FAM184A: variants seen among roughly 807,000 people sequenced by gnomAD.
FAM184A encodes the protein protein FAM184A.
FAM184A carries 99 observed loss-of-function variants against 143.8 expected under a neutral mutation model. The observed-to-expected ratio is 0.69, with a 90% CI of 0.58 to 0.81. FAM184A has a LOEUF of 0.81. Among genes scored for constraint, FAM184A ranks in the 40% least tolerant of loss-of-function variants. FAM184A has a pLI of 0.00. For synonymous variants in FAM184A, 427 were observed against 446.4 expected (o/e 0.96, Z 0.55); for missense variants, 1,217 against 1,310.5 (o/e 0.93, Z 1.10).
At chr6:118,980,033 G>A in intron 10 of FAM184A, 105 bp downstream of exon 10, 1 of 825,030 alleles carries the variant, frequency 1.2e-6, no homozygotes, top group Non-Finnish European at 1.9e-6. Context: ...GGGTGACAGA[G>A]TGAGACCCTG....
chr6:118,960,227 A>G, intron 17 of FAM184A, 43 bp from the exon 18 acceptor site: 2 of 1,551,272 alleles, frequency 1.3e-6, no homozygotes, highest in Non-Finnish European at 1.8e-6. Context: ...GCATTAAGTC[A>G]TTTTGCAAAA....
chr6:119,117,096 C>T (rs564200398), intron 1 of FAM184A, among the ~76,000 whole-genome samples: 6 of 152,270 alleles, frequency 3.9e-5, no homozygotes, highest in Middle Eastern at 3.4e-3. Flanking sequence ...GCAGGGGACA[C>T]GATTGCAATC....
intron 1 of FAM184A, among the ~76,000 whole-genome samples, chr6:119,142,430 T>C (rs1772277166): frequency 6.6e-6 from 1 of 152,220 alleles, no homozygotes; most frequent in African/African-American, 2.4e-5. Flanking sequence ...AGGCTTGATC[T>C]ACTGAAGTCC....
rs761167964 is a variant in FAM184A at position 119,024,311 on chromosome 6, T to A, written c.662A>T (p.Glu221Val). 9 of 1,614,200 alleles carry A rather than the reference T, an allele frequency of 5.6e-6. No individual in the cohort carries two copies. In the South Asian group the frequency reaches 8.8e-5, roughly 16 times the overall value. Reference sequence around the variant, plus strand: ...GGACTCCACCTCCATTCTGTGTAGTTCCTCTGCCTTTTCCTGGCCTTTATT... The same window carrying A: ...GGACTCCACCTCCATTCTGTGTAGTACCTCTGCCTTTTCCTGGCCTTTATT... ...SVNKGQEKAE[E>V]LHRMEVESLN... The change falls in exon 2 of 18, where the codon GAA becomes GTA. Residue 221 changes from glutamate (E) to valine (V), a missense_variant. Glu to Val is a moderately radical substitution (Grantham distance 121, BLOSUM62 -2). Transcript: ENST00000338891.
At chr6:118,960,260 A>T in intron 17 of FAM184A, 76 bp from the exon 18 acceptor site, 2 of 1,155,400 alleles carry the variant, frequency 1.7e-6, no homozygotes, top group East Asian at 2.4e-5. Context: ...CACATAAAAC[A>T]TCAGCATAGA....
chr6:119,080,522 T>C (rs958237278), upstream of FAM184A, among the ~76,000 whole-genome samples: 1 of 152,178 alleles, frequency 6.6e-6, no homozygotes, highest in Non-Finnish European at 1.5e-5. Context: ...AAGACACAAT[T>C]AAAGTTATAT....
intron 3 of FAM184A, 135 bp from the exon 4 acceptor site, chr6:119,020,294 T>C (rs1785398887): frequency 3.7e-6 from 2 of 541,204 alleles, no homozygotes; most frequent in Admixed American, 4.3e-5. Flanking sequence ...TTTCCTTTTG[T>C]TTCTTCACTA....
At chr6:118,962,462 G>A (rs1042249145) in intron 16 of FAM184A, 4 of 154,944 alleles carry the variant, frequency 2.6e-5, no homozygotes, top group Admixed American at 1.9e-4. Flanking sequence ...AAAATGCTTG[G>A]CAATGTAGTT....
chr6:119,115,300 G>GAAAT (rs1283150479), intron 1 of FAM184A, among the ~76,000 whole-genome samples: 1 of 152,102 alleles, frequency 6.6e-6, no homozygotes, highest in Non-Finnish European at 1.5e-5. Flanking sequence ...AGAGGAAAGG[G>GAAAT]AAATAAATAA....
chr6:119,047,063 G>T (rs1786564634), intron 1 of FAM184A, among the ~76,000 whole-genome samples: 1 of 152,030 alleles, frequency 6.6e-6, no homozygotes, highest in South Asian at 2.1e-4. Flanking sequence ...AAAAAAATGG[G>T]CATAAGATTT....
At chr6:119,142,279 A>G (rs1165465834) in intron 1 of FAM184A, among the ~76,000 whole-genome samples, 1 of 152,086 alleles carries the variant, frequency 6.6e-6, no homozygotes, top group Admixed American at 6.5e-5. Flanking sequence ...GGACGTAATG[A>G]CCTCGAAGCC....
intron 7 of FAM184A, chr6:119,005,585 A>G (rs1342065824): frequency 6.5e-6 from 1 of 153,046 alleles, no homozygotes; most frequent in Non-Finnish European, 1.5e-5. Context: ...AGTGCTGTGA[A>G]GAGTGTTATT....
intron 1 of FAM184A, among the ~76,000 whole-genome samples, chr6:119,038,223 T>C (rs941167351): frequency 9.9e-5 from 15 of 151,826 alleles, no homozygotes; most frequent in African/African-American, 1.7e-4. Flanking sequence ...AACAAACAAA[T>C]AGAGAAAATG....
intron 11 of FAM184A, among the ~76,000 whole-genome samples, chr6:118,977,645 C>T (rs531413560): frequency 6.6e-6 from 1 of 152,202 alleles, no homozygotes; most frequent in East Asian, 1.9e-4. Flanking sequence ...CTTAACCTGA[C>T]AAAATCATAG....
At chr6:119,141,785 C>A (rs9387636) in intron 1 of FAM184A, among the ~76,000 whole-genome samples, 40,770 of 151,840 alleles carry the variant, frequency 0.27, 6,591 homozygotes, top group East Asian at 0.53. Context: ...CCCCTGTGCT[C>A]CTTAAAAAAA....
At chr6:119,138,766 T>C (rs964954277) in intron 1 of FAM184A, among the ~76,000 whole-genome samples, 1 of 152,090 alleles carries the variant, frequency 6.6e-6, no homozygotes, top group Admixed American at 6.6e-5. Context: ...AGCTGGGATT[T>C]ACAGGCATGT....
chr6:119,131,906 A>C (rs1160306442), intron 1 of FAM184A, among the ~76,000 whole-genome samples: 1 of 152,244 alleles, frequency 6.6e-6, no homozygotes, highest in Non-Finnish European at 1.5e-5. Flanking sequence ...AAGGAGAGTT[A>C]TAGGGATAAA....
Position 119,024,237 on chromosome 6 carries a change from C to CA in FAM184A, c.735dup (p.Glu246Ter). The CA allele has an allele frequency of 6.2e-7, 1 of 1,614,228 alleles. No homozygotes were observed. The highest frequency in any genetic ancestry group is 1.1e-5 in the South Asian group (1 of 91,088). On this transcript the variant is annotated frameshift_variant, in exon 2 of 18. Transcript: ENST00000338891. LOFTEE classifies it high-confidence loss of function. Reference sequence around the variant, plus strand: ...TTATTCAACTTGCCTTCATAATCCTCAATTAGTTTCTTCCGTTCAAGTCTT... The same window carrying CA: ...TTATTCAACTTGCCTTCATAATCCTCAAATTAGTTTCTTCCGTTCAAGTCTT...
intron 1 of FAM184A, among the ~76,000 whole-genome samples, chr6:119,096,827 C>G (rs976279266): frequency 6.6e-6 from 1 of 152,110 alleles, no homozygotes; most frequent in Non-Finnish European, 1.5e-5. Context: ...CCACTCCTCC[C>G]GACTTGCTTC....
Sources: gnomAD v4.1 joint callset for allele counts (sites outside exome capture counted in the v4.1 genomes callset) on GRCh38, gnomAD v4.1.1 for gene constraint, MANE v1.5 for transcripts, NCBI Gene and HGNC (gene_info 2026-07-23, HGNC 2026-07-21) for gene names.